Variants in SNTG2 observed in about 807,000 individuals in gnomAD.
SNTG2 encodes the protein gamma-2-syntrophin.
SNTG2 carries 74 observed loss-of-function variants against 70.9 expected under a neutral mutation model. That is an observed-to-expected ratio of 1.04 (90% confidence interval 0.86 to 1.27). The LOEUF (loss-of-function observed/expected upper bound fraction) is 1.27. Among genes scored for constraint, SNTG2 ranks in the 50% most tolerant of loss-of-function variants. The probability of loss-of-function intolerance (pLI) is 0.00; values close to 1 mark genes in which losing one functional copy is unlikely to be tolerated. For synonymous variants in SNTG2, 278 were observed against 273.8 expected (o/e 1.02, Z -0.15); for missense variants, 717 against 690.7 (o/e 1.04, Z -0.43).
At chr2:956,262 C>G (rs1357568940) in intron 1 of SNTG2, among the ~76,000 whole-genome samples, 4 of 143,318 alleles carry the variant, frequency 2.8e-5, no homozygotes, top group Non-Finnish European at 4.6e-5. Flanking sequence ...CCTGCGCCTC[C>G]CCCTGCCCTG....
At chr2:1,210,965 C>T (rs1346279623) in intron 9 of SNTG2, among the ~76,000 whole-genome samples, 1 of 152,126 alleles carries the variant, frequency 6.6e-6, no homozygotes, top group Non-Finnish European at 1.5e-5. Flanking sequence ...GACAAAATCA[C>T]CTAATGACAC....
At chr2:1,062,857 T>C (rs1662911025) in intron 1 of SNTG2, among the ~76,000 whole-genome samples, 1 of 152,204 alleles carries the variant, frequency 6.6e-6, no homozygotes, top group South Asian at 2.1e-4. Flanking sequence ...AAAAAATATG[T>C]GTGTGTGCAT....
At position 983,331 on chromosome 2, in the gene SNTG2, G is replaced by C. The variant is rs562417474; in HGVS notation, c.72+32263G>C. The stretch of plus-strand genomic sequence containing the variant: ...TGGTGGTCAGGATGAAGAAGCTGCA[G>C]AGGTGGAAGTCGGGATGAAGAAGTT... On this transcript the variant is annotated intron_variant, in intron 1 of 16. Coordinates refer to ENST00000308624, the MANE Select transcript of SNTG2 (RefSeq NM_018968.4). Among the ~76,000 whole-genome samples, 12 of 150,662 alleles carry C rather than the reference G, an allele frequency of 8.0e-5. No individual in the cohort carries two copies. In the East Asian group the frequency reaches 2.3e-3, roughly 29 times the overall value.
At chr2:1,132,198 T>G (rs1359124677) in intron 4 of SNTG2, among the ~76,000 whole-genome samples, 2 of 151,108 alleles carry the variant, frequency 1.3e-5, no homozygotes, top group East Asian at 3.9e-4. Context: ...TATATGTGTG[T>G]GTATATATAT....
At chr2:1,188,067 A>G (rs1487535728) in intron 8 of SNTG2, among the ~76,000 whole-genome samples, 1 of 152,214 alleles carries the variant, frequency 6.6e-6, no homozygotes, top group Admixed American at 6.5e-5. Context: ...TTATAAACTA[A>G]TGCACCACTG....
chr2:1,047,020 A>G (rs1661776724), intron 1 of SNTG2, among the ~76,000 whole-genome samples: 2 of 152,002 alleles, frequency 1.3e-5, no homozygotes, highest in Admixed American at 6.6e-5. Context: ...TTGTCTCTTT[A>G]TGTAGTCTCA....
intron 16 of SNTG2, among the ~76,000 whole-genome samples, chr2:1,331,288 A>G (rs1344291885): frequency 6.6e-6 from 1 of 152,184 alleles, no homozygotes; most frequent in Admixed American, 6.5e-5. Context: ...GACAGGTCCT[A>G]ATTACAAACA....
chr2:1,088,935 G>A (rs1488688241), intron 2 of SNTG2, among the ~76,000 whole-genome samples: 2 of 152,238 alleles, frequency 1.3e-5, no homozygotes, highest in Non-Finnish European at 2.9e-5. Flanking sequence ...TGGCGAGGCA[G>A]TATGATTGGA....
chr2:1,216,143 A>G (rs1165182165), intron 9 of SNTG2, among the ~76,000 whole-genome samples: 1 of 152,200 alleles, frequency 6.6e-6, no homozygotes, highest in Non-Finnish European at 1.5e-5. Flanking sequence ...GTCTTCCACA[A>G]TGGTTGAACT....
At chr2:1,149,981 C>T (rs1260469560) in intron 6 of SNTG2, among the ~76,000 whole-genome samples, 2 of 152,160 alleles carry the variant, frequency 1.3e-5, no homozygotes, top group Non-Finnish European at 2.9e-5. Flanking sequence ...AGCCACCGCG[C>T]CCAGCTGAAG....
At chr2:1,181,333 C>CCG (rs1427873343) in intron 8 of SNTG2, among the ~76,000 whole-genome samples, 10 of 152,116 alleles carry the variant, frequency 6.6e-5, no homozygotes, top group Non-Finnish European at 1.3e-4. Context: ...GAGAATAAAA[C>CCG]AGATGGTGCA....
intron 8 of SNTG2, among the ~76,000 whole-genome samples, chr2:1,191,668 G>A (rs1290017577): frequency 7.9e-5 from 12 of 152,076 alleles, no homozygotes; most frequent in Admixed American, 1.3e-4. Flanking sequence ...GGTGGCGCTC[G>A]CCTGTAGTCC....
At chr2:1,117,107 G>A (rs1461949249) in intron 4 of SNTG2, among the ~76,000 whole-genome samples, 1 of 151,736 alleles carries the variant, frequency 6.6e-6, no homozygotes, top group Non-Finnish European at 1.5e-5. Context: ...GTGCCCCGGT[G>A]TACGGGTGCT....
chr2:1,055,515 A>G (rs1662336013), intron 1 of SNTG2, among the ~76,000 whole-genome samples: 1 of 152,148 alleles, frequency 6.6e-6, no homozygotes, highest in Non-Finnish European at 1.5e-5. Flanking sequence ...AGGATTTTTC[A>G]TGGACGTCAC....
intron 4 of SNTG2, among the ~76,000 whole-genome samples, chr2:1,103,654 C>G (rs1665937370): frequency 6.6e-6 from 1 of 152,178 alleles, no homozygotes; most frequent in South Asian, 2.1e-4. Flanking sequence ...TCCCAAAGTA[C>G]TGGGATTACG....
chr2:976,039 AG>A (rs1230583929), intron 1 of SNTG2, among the ~76,000 whole-genome samples: 2 of 152,166 alleles, frequency 1.3e-5, no homozygotes, highest in African/African-American at 4.8e-5. Context: ...TGATAGGAAC[AG>A]GGTCTCCCAC....
At chr2:1,135,765 C>G (rs1382673650) in intron 4 of SNTG2, among the ~76,000 whole-genome samples, 2 of 152,172 alleles carry the variant, frequency 1.3e-5, no homozygotes, top group African/African-American at 4.8e-5. Flanking sequence ...CTGCACTGGA[C>G]TTGTTCAATG....
intron 15 of SNTG2, among the ~76,000 whole-genome samples, chr2:1,314,479 G>T (rs1347121836): frequency 6.6e-6 from 1 of 152,264 alleles, no homozygotes; most frequent in East Asian, 1.9e-4. Context: ...AGGCTCTCCG[G>T]AGGCAGGTGC....
chr2:963,668 A>T (rs559257585), intron 1 of SNTG2, among the ~76,000 whole-genome samples: 4 of 152,158 alleles, frequency 2.6e-5, no homozygotes, highest in Non-Finnish European at 1.5e-5. Flanking sequence ...TCTTTTCCAC[A>T]GTTTTTGACT....
Sources: gnomAD v4.1 joint callset for allele counts (sites outside exome capture counted in the v4.1 genomes callset) on GRCh38, gnomAD v4.1.1 for gene constraint, MANE v1.5 for transcripts, NCBI Gene and HGNC (gene_info 2026-07-23, HGNC 2026-07-21) for gene names.